The following TAFA1 variants were observed in gnomAD, a reference collection of about 807,000 sequenced individuals.
TAFA1 encodes the protein chemokine-like protein TAFA-1.
In TAFA1, 4 loss-of-function variants were observed where a neutral mutation model predicts 18.5. The ratio of observed to expected loss-of-function variants is 0.22; its 90% CI spans 0.11 to 0.49. The LOEUF (loss-of-function observed/expected upper bound fraction) is 0.49, where lower values mean the gene tolerates loss of function less well. TAFA1 is among the 20% of genes least tolerant of loss of function. The probability of loss-of-function intolerance (pLI) is 0.98; values close to 1 mark genes in which losing one functional copy is unlikely to be tolerated. For missense variants in TAFA1, 147 were observed against 169.0 expected, an observed-to-expected ratio of 0.87 and a Z score of 0.72; for synonymous variants, 56 against 55.2, an observed-to-expected ratio of 1.01 and a Z score of -0.06.
At chr3:68,073,836 G>A (rs1016963220) in intron 2 of TAFA1, among the ~76,000 whole-genome samples, 1 of 152,126 alleles carries the variant, frequency 6.6e-6, no homozygotes, top group African/African-American at 2.4e-5. Context: ...TGAGTGCTTA[G>A]AGCAGTGGTC....
At chr3:68,277,402 T>A (rs545917037) in intron 2 of TAFA1, among the ~76,000 whole-genome samples, 1 of 152,280 alleles carries the variant, frequency 6.6e-6, no homozygotes, top group South Asian at 2.1e-4. Context: ...GTGCCACTTC[T>A]AAGCATGGAA....
At chr3:68,113,888 GTTTTT>G (rs1169442128) in intron 2 of TAFA1, among the ~76,000 whole-genome samples, 34 of 57,886 alleles carry the variant, frequency 5.9e-4, no homozygotes, top group Admixed American at 4.8e-3. Flanking sequence ...TTGGGGTGTA[GTTTTT>G]TTTGTTTTTT....
At chr3:68,125,000 T>C (rs2065446768) in intron 2 of TAFA1, among the ~76,000 whole-genome samples, 1 of 152,242 alleles carries the variant, frequency 6.6e-6, no homozygotes, top group African/African-American at 2.4e-5. Context: ...TGGCGTTGAC[T>C]GAGACTCTTG....
At chr3:68,435,715 C>G (rs532355010) in intron 3 of TAFA1, among the ~76,000 whole-genome samples, 1 of 152,178 alleles carries the variant, frequency 6.6e-6, no homozygotes, top group African/African-American at 2.4e-5. Context: ...ATCTTGGCAT[C>G]TTAGCCACAT....
At chr3:68,056,027 G>C (rs1303474017) in intron 2 of TAFA1, among the ~76,000 whole-genome samples, 1 of 152,066 alleles carries the variant, frequency 6.6e-6, no homozygotes, top group African/African-American at 2.4e-5. Flanking sequence ...GATGGTACTT[G>C]GTCCAACTAT....
chr3:68,325,287 T>C (rs1195020608), intron 2 of TAFA1, among the ~76,000 whole-genome samples: 1 of 152,198 alleles, frequency 6.6e-6, no homozygotes, highest in African/African-American at 2.4e-5. Context: ...AGCGACGTGG[T>C]TGGGAGCCCG....
At chr3:68,421,273 C>T (rs1292139351) in intron 3 of TAFA1, among the ~76,000 whole-genome samples, 1 of 152,128 alleles carries the variant, frequency 6.6e-6, no homozygotes, top group African/African-American at 2.4e-5. Context: ...TTCTGCATTC[C>T]AGGCAAAAGT....
intron 2 of TAFA1, among the ~76,000 whole-genome samples, chr3:68,286,673 G>A (rs2068014312): frequency 6.6e-6 from 1 of 152,208 alleles, no homozygotes; most frequent in South Asian, 2.1e-4. Flanking sequence ...TGTAGGCACT[G>A]GAATTGAGTT....
At position 68,240,427 on chromosome 3, in the gene TAFA1, A is replaced by G. The variant is rs149802848; in HGVS notation, c.119-176853A>G. On this transcript the variant is annotated intron_variant, in intron 2 of 4. Transcript: ENST00000478136. ...CAAGCTGTTGTCATTGGTCAACTCC[A>G]TAGGAGCACAAACGAGGGCAGAGAA... 2.0e-5 allele frequency among the ~76,000 whole-genome samples: 3 copies of G among 152,304 alleles called. No individual in the cohort carries two copies. The East Asian group carries it at 5.8e-4, about 29-fold the overall frequency.
chr3:68,017,479 T>G (rs1427333762), intron 2 of TAFA1, among the ~76,000 whole-genome samples: 1 of 152,194 alleles, frequency 6.6e-6, no homozygotes, highest in East Asian at 1.9e-4. Context: ...TTTTCAATCT[T>G]TCTCCAGGCA....
chr3:68,278,892 G>A (rs1176199763), intron 2 of TAFA1, among the ~76,000 whole-genome samples: 1 of 152,128 alleles, frequency 6.6e-6, no homozygotes, highest in Non-Finnish European at 1.5e-5. Context: ...TGGTTTGTTA[G>A]CATTGTTCTA....
intron 2 of TAFA1, among the ~76,000 whole-genome samples, chr3:68,186,312 C>T (rs534503460): frequency 6.6e-6 from 1 of 152,112 alleles, no homozygotes; most frequent in African/African-American, 2.4e-5. Flanking sequence ...TTCCCTAACC[C>T]TTTCCGCAGA....
intron 3 of TAFA1, among the ~76,000 whole-genome samples, chr3:68,453,472 T>A (rs1320200662): frequency 6.6e-6 from 1 of 152,230 alleles, no homozygotes; most frequent in Non-Finnish European, 1.5e-5. Flanking sequence ...GAGGATGGCA[T>A]ATATATGGGC....
At chr3:68,513,240 T>G (rs1032976638) in intron 3 of TAFA1, among the ~76,000 whole-genome samples, 1 of 152,128 alleles carries the variant, frequency 6.6e-6, no homozygotes, top group Non-Finnish European at 1.5e-5. Context: ...GAAGGAGTAG[T>G]GAGTTTGTGC....
chr3:68,439,295 G>C (rs866444224), intron 3 of TAFA1, among the ~76,000 whole-genome samples: 13 of 150,946 alleles, frequency 8.6e-5, no homozygotes, highest in Admixed American at 1.3e-4. Flanking sequence ...TCTATATTTT[G>C]CATAGAAATT....
intron 3 of TAFA1, among the ~76,000 whole-genome samples, chr3:68,497,212 T>C (rs984475400): frequency 2.0e-5 from 3 of 152,174 alleles, no homozygotes; most frequent in Non-Finnish European, 4.4e-5. Context: ...TTATCATCTC[T>C]AAGGCAGTGG....
intron 3 of TAFA1, among the ~76,000 whole-genome samples, chr3:68,520,251 A>G (rs1248580870): frequency 6.6e-6 from 1 of 152,140 alleles, no homozygotes; most frequent in Non-Finnish European, 1.5e-5. Flanking sequence ...AGATTTTCAG[A>G]CTCTGTCCCT....
intron 2 of TAFA1, among the ~76,000 whole-genome samples, chr3:68,089,944 G>A (rs1401796855): frequency 6.6e-6 from 1 of 152,122 alleles, no homozygotes; most frequent in Non-Finnish European, 1.5e-5. Flanking sequence ...GAATGAAATT[G>A]GCTGGCTGAC....
At chr3:68,270,927 G>A (rs531700147) in intron 2 of TAFA1, among the ~76,000 whole-genome samples, 1 of 152,230 alleles carries the variant, frequency 6.6e-6, no homozygotes, top group Non-Finnish European at 1.5e-5. Flanking sequence ...TGTTTCCATT[G>A]AAGACTTCTT....
Sources: allele counts gnomAD v4.1 joint callset (sites outside exome capture counted in the v4.1 genomes callset), GRCh38; gene constraint gnomAD v4.1.1; transcripts MANE v1.5; gene names NCBI Gene and HGNC (gene_info 2026-07-23, HGNC 2026-07-21).